The following KCNJ4 variants were observed in gnomAD, a reference collection of about 807,000 sequenced individuals.
The protein encoded by KCNJ4 is inward rectifier potassium channel 4.
In KCNJ4, 3 loss-of-function variants were observed where a neutral mutation model predicts 25.6. The observed-to-expected ratio is 0.12, with a 90% CI of 0.05 to 0.30. The LOEUF is 0.30. KCNJ4 is among the 10% of genes least tolerant of loss of function. KCNJ4 has a pLI of 1.00. For synonymous variants in KCNJ4, 257 were observed against 283.9 expected (o/e 0.91, Z 0.95); for missense variants, 286 against 666.8 (o/e 0.43, Z 6.29).
chr22:38,436,328 G>A (rs2093065315), intron 1 of KCNJ4, among the ~76,000 whole-genome samples: 1 of 152,142 alleles, frequency 6.6e-6, no homozygotes, highest in African/African-American at 2.4e-5. Context: ...GCCTGCCTGG[G>A]CCCCATCCAC....
In KCNJ4 at chr22:38,441,558, C is replaced by T. The variant is rs527406552; in HGVS notation, c.-39-13387G>A. Among the ~76,000 whole-genome samples, 339 of 152,180 alleles carry T rather than the reference C, an allele frequency of 2.2e-3. 2 individuals carry two copies. Among genetic ancestry groups the T allele is most frequent in the Non-Finnish European group, 3.8e-3 (260 of 67,992 alleles). On this transcript the variant is annotated intron_variant, in intron 1 of 1. Transcript: ENST00000303592. ...GGCTGGTGGGGGGTGTCTCCCAGAA[C>T]CTAGGGGGATGGGGGCTAATGTGCC...
intron 1 of KCNJ4, among the ~76,000 whole-genome samples, chr22:38,451,160 C>T (rs187880602): frequency 1.7e-4 from 26 of 152,324 alleles, no homozygotes; most frequent in African/African-American, 6.3e-4. Flanking sequence ...AAGCGATGGG[C>T]ACTGCTTCCC....
At chr22:38,440,181 G>A (rs2089323023) in intron 1 of KCNJ4, among the ~76,000 whole-genome samples, 1 of 152,102 alleles carries the variant, frequency 6.6e-6, no homozygotes, top group Non-Finnish European at 1.5e-5. Context: ...AGGCTGAGGC[G>A]GGTGGATTGC....
At chr22:38,430,574 C>T (rs760372852) in intron 1 of KCNJ4, among the ~76,000 whole-genome samples, 12 of 152,198 alleles carry the variant, frequency 7.9e-5, no homozygotes, top group African/African-American at 2.7e-4. Context: ...CATGCAGGCA[C>T]GGCCTCTAAC....
chr22:38,444,263 G>C (rs750930074), intron 1 of KCNJ4, among the ~76,000 whole-genome samples: 8 of 152,102 alleles, frequency 5.3e-5, no homozygotes, highest in Non-Finnish European at 8.8e-5. Context: ...AATATCTAAC[G>C]ACTGACAAAC....
At chr22:38,430,993 T>A (rs1163482780) in intron 1 of KCNJ4, among the ~76,000 whole-genome samples, 1 of 152,164 alleles carries the variant, frequency 6.6e-6, no homozygotes, top group Non-Finnish European at 1.5e-5. Flanking sequence ...GGAGTGGGTT[T>A]TGGGGCAAGG....
intron 1 of KCNJ4, among the ~76,000 whole-genome samples, chr22:38,448,821 G>C (rs1013926605): frequency 5.3e-5 from 8 of 152,176 alleles, no homozygotes; most frequent in Non-Finnish European, 1.2e-4. Flanking sequence ...TGCTGGGCCA[G>C]GCTTGGTGGG....
At chr22:38,446,753 C>T (rs1461447147) in intron 1 of KCNJ4, among the ~76,000 whole-genome samples, 2 of 151,982 alleles carry the variant, frequency 1.3e-5, no homozygotes, top group African/African-American at 4.8e-5. Context: ...GTCAGGAGTT[C>T]GAGACCAGCC....
intron 1 of KCNJ4, among the ~76,000 whole-genome samples, chr22:38,431,083 C>T (rs986990981): frequency 2.0e-5 from 3 of 152,200 alleles, no homozygotes; most frequent in Non-Finnish European, 4.4e-5. Flanking sequence ...CAGGGTGTGG[C>T]GGCCCAGGCC....
chr22:38,445,463 C>G (rs2145945561), intron 1 of KCNJ4, among the ~76,000 whole-genome samples: 1 of 152,296 alleles, frequency 6.6e-6, no homozygotes, highest in Non-Finnish European at 1.5e-5. Flanking sequence ...AAGCAAACAT[C>G]CTGTTTGTTA....
intron 1 of KCNJ4, among the ~76,000 whole-genome samples, chr22:38,453,889 CAA>C (rs1197263570): frequency 6.6e-6 from 1 of 152,180 alleles, no homozygotes; most frequent in East Asian, 1.9e-4. Flanking sequence ...GTTCAGTGGC[CAA>C]CAGTCTCTGT....
intron 1 of KCNJ4, among the ~76,000 whole-genome samples, chr22:38,452,678 A>T (rs540554451): frequency 6.6e-6 from 1 of 152,128 alleles, no homozygotes; most frequent in African/African-American, 2.4e-5. Context: ...AAAAGTGGAG[A>T]TGTGGAGGAG....
intron 1 of KCNJ4, among the ~76,000 whole-genome samples, chr22:38,431,993 C>T (rs1039806676): frequency 6.6e-6 from 1 of 151,634 alleles, no homozygotes; most frequent in South Asian, 2.1e-4. Context: ...AGGTGACTCA[C>T]GCCTGTAATC....
rs370442039 is a variant in KCNJ4 at position 38,447,440 on chromosome 22, C to G, written c.-40+7540G>C. Reference sequence around the variant, plus strand: ...CCAGCCAGGGCCTCTCCAGCCTGTGCCCACCACCTCCCCTGTATGGCCCCA... The same window carrying G: ...CCAGCCAGGGCCTCTCCAGCCTGTGGCCACCACCTCCCCTGTATGGCCCCA... On this transcript the variant is annotated intron_variant, in intron 1 of 1. Transcript: ENST00000303592. Among the ~76,000 whole-genome samples the G allele has an allele frequency of 1.1e-4, 16 of 152,294 alleles. No homozygotes were observed. The East Asian group carries it at 2.7e-3, about 26-fold the overall frequency.
At chr22:38,448,875 T>A (rs1343563528) in intron 1 of KCNJ4, among the ~76,000 whole-genome samples, 1 of 152,126 alleles carries the variant, frequency 6.6e-6, no homozygotes, top group African/African-American at 2.4e-5. Context: ...TCCGCCCAAC[T>A]GCACCTCCCA....
chr22:38,454,739 C>A (rs2089429987), intron 1 of KCNJ4, among the ~76,000 whole-genome samples: 1 of 152,108 alleles, frequency 6.6e-6, no homozygotes, highest in Non-Finnish European at 1.5e-5. Flanking sequence ...CTCTCTCCCC[C>A]TTTCCAGGCC....
At chr22:38,441,842 A>G (rs201540012) in intron 1 of KCNJ4, among the ~76,000 whole-genome samples, 23 of 152,306 alleles carry the variant, frequency 1.5e-4, no homozygotes, top group Non-Finnish European at 2.8e-4. Context: ...AGCGGCCCAA[A>G]TGCCCATCCA....
intron 1 of KCNJ4, among the ~76,000 whole-genome samples, chr22:38,438,687 GAA>G (rs61202067): frequency 1.5e-5 from 2 of 130,622 alleles, no homozygotes. Flanking sequence ...GAGTCCTTCT[GAA>G]AAAAAAAAAG....
intron 1 of KCNJ4, among the ~76,000 whole-genome samples, chr22:38,442,364 T>C (rs1195336418): frequency 1.3e-5 from 2 of 151,890 alleles, no homozygotes; most frequent in African/African-American, 2.4e-5. Context: ...CTGGCTAACA[T>C]GGTGAAACCC....
Sources: allele counts gnomAD v4.1 joint callset (sites outside exome capture counted in the v4.1 genomes callset), GRCh38; gene constraint gnomAD v4.1.1; transcripts MANE v1.5; gene names NCBI Gene and HGNC (gene_info 2026-07-23, HGNC 2026-07-21).